Variants in ZNF804B observed in about 807,000 individuals in gnomAD.
The protein encoded by ZNF804B is zinc finger protein 804B.
Under a neutral mutation model 101.4 loss-of-function variants are expected in ZNF804B, and 80 were observed. The ratio of observed to expected loss-of-function variants is 0.79; its 90% CI spans 0.66 to 0.95. ZNF804B has a LOEUF of 0.95. Among genes scored for constraint, ZNF804B ranks in the 40% least tolerant of loss-of-function variants. ZNF804B has a pLI of 0.00. For missense variants in ZNF804B, 1,673 were observed against 1,561.9 expected, an observed-to-expected ratio of 1.07 and a Z score of -1.20; for synonymous variants, 622 against 558.8, an observed-to-expected ratio of 1.11 and a Z score of -1.59.
intron 2 of ZNF804B, among the ~76,000 whole-genome samples, chr7:89,249,041 A>G (rs1789496566): frequency 6.6e-6 from 1 of 151,970 alleles, no homozygotes; most frequent in Admixed American, 6.6e-5. Flanking sequence ...AAAAAAAAAA[A>G]AAAAGGACAA....
At chr7:89,223,691 A>G (rs530604689) in intron 2 of ZNF804B, among the ~76,000 whole-genome samples, 1 of 151,750 alleles carries the variant, frequency 6.6e-6, no homozygotes, top group Non-Finnish European at 1.5e-5. Flanking sequence ...TCCAAAAAAA[A>G]AATTAAGATA....
At chr7:89,184,324 T>C (rs188839985) in intron 1 of ZNF804B, among the ~76,000 whole-genome samples, 2 of 152,312 alleles carry the variant, frequency 1.3e-5, no homozygotes, top group Admixed American at 1.3e-4. Flanking sequence ...CAGCAGCTTA[T>C]GGAATCCAGG....
At chr7:89,217,943 T>C (rs1298245565) in intron 1 of ZNF804B, among the ~76,000 whole-genome samples, 4 of 151,996 alleles carry the variant, frequency 2.6e-5, no homozygotes, top group Non-Finnish European at 5.9e-5. Flanking sequence ...AAAACCAAGC[T>C]CCAGACCAGG....
At chr7:89,079,026 CTCTT>C in intron 1 of ZNF804B, among the ~76,000 whole-genome samples, 1 of 151,888 alleles carries the variant, frequency 6.6e-6, no homozygotes, top group East Asian at 1.9e-4. Flanking sequence ...AAATCCATAA[CTCTT>C]TCAGCTTTGA....
intron 1 of ZNF804B, among the ~76,000 whole-genome samples, chr7:89,042,577 G>A (rs1266306785): frequency 6.6e-6 from 1 of 152,028 alleles, no homozygotes; most frequent in Non-Finnish European, 1.5e-5. Context: ...ATATAGTTAA[G>A]TTATAACCTT....
chr7:89,335,415 CA>C lies in ZNF804B; in HGVS notation c.2438del (p.Asn813IlefsTer8). 6.2e-7 allele frequency: 1 copy of C among 1,613,618 alleles called. No individual in the cohort carries two copies. The highest frequency in any genetic ancestry group is 8.5e-7 in the Non-Finnish European group (1 of 1,179,862). On this transcript the variant is annotated frameshift_variant, in exon 4 of 4. Transcript: ENST00000333190. LOFTEE classifies it high-confidence loss of function. ...ACTGCAGAGAAAGACAAAAACTGGGCAAAAATCAACAACAATTTTCAGGGCT... is the reference window on the plus strand; with the variant it reads ...ACTGCAGAGAAAGACAAAAACTGGGCAAAATCAACAACAATTTTCAGGGCT... ...CHCRERQKLG[K>X]NQQQFSGLKS... is the part of the protein sequence containing the mutation.
chr7:89,304,845 T>A (rs1048666699), intron 2 of ZNF804B, among the ~76,000 whole-genome samples: 5 of 151,934 alleles, frequency 3.3e-5, no homozygotes, highest in African/African-American at 1.2e-4. Flanking sequence ...ACGGTCTTAA[T>A]CTTACCTGGG....
chr7:89,210,403 C>T (rs1277081191), intron 1 of ZNF804B, among the ~76,000 whole-genome samples: 2 of 152,030 alleles, frequency 1.3e-5, no homozygotes, highest in African/African-American at 2.4e-5. Context: ...CATAGGTAAA[C>T]GTGTGCCATG....
intron 1 of ZNF804B, among the ~76,000 whole-genome samples, chr7:89,110,786 AT>A (rs1790204293): frequency 6.6e-6 from 1 of 152,182 alleles, no homozygotes; most frequent in Admixed American, 6.6e-5. Context: ...AGAAACAAAA[AT>A]GCACAATATA....
At chr7:89,035,302 G>A (rs1216571956) in intron 1 of ZNF804B, among the ~76,000 whole-genome samples, 1 of 151,958 alleles carries the variant, frequency 6.6e-6, no homozygotes, top group Non-Finnish European at 1.5e-5. Context: ...AACTCTTTTG[G>A]TAGCTTCTAT....
chr7:89,158,619 A>C (rs779222818), intron 1 of ZNF804B, among the ~76,000 whole-genome samples: 2 of 152,126 alleles, frequency 1.3e-5, no homozygotes, highest in Non-Finnish European at 1.5e-5. Flanking sequence ...TCTTGCTTAA[A>C]TACCTAGTTT....
intron 1 of ZNF804B, among the ~76,000 whole-genome samples, chr7:88,918,236 G>A (rs1187451129): frequency 6.6e-6 from 1 of 152,052 alleles, no homozygotes; most frequent in East Asian, 1.9e-4. Context: ...TTTCAAATAA[G>A]TATAATCCGT....
rs1001718215 is a variant in ZNF804B, at chr7:89,109,454, A to G, written c.109-108701A>G. Among the ~76,000 whole-genome samples, 5 of 152,278 alleles carry G rather than the reference A, an allele frequency of 3.3e-5. No individual in the cohort carries two copies. The East Asian group carries it at 7.7e-4, about 24-fold the overall frequency. On this transcript the variant is annotated intron_variant, in intron 1 of 3. Transcript: ENST00000333190. ...CTGCCAAGGTTTCTGCAAGCTGTCA[A>G]TTGTCCCAATGCTGGCTGTTGATCT... is the stretch of plus-strand genomic sequence containing the variant.
intron 1 of ZNF804B, among the ~76,000 whole-genome samples, chr7:89,100,804 A>G (rs1256783539): frequency 6.6e-6 from 1 of 152,098 alleles, no homozygotes; most frequent in Non-Finnish European, 1.5e-5. Flanking sequence ...GGAATATTCC[A>G]TTGTATGCCT....
intron 1 of ZNF804B, among the ~76,000 whole-genome samples, chr7:88,911,118 A>G (rs2115974913): frequency 6.6e-6 from 1 of 152,184 alleles, no homozygotes; most frequent in East Asian, 1.9e-4. Flanking sequence ...ACAGTGAAAC[A>G]ATGTTAGGAT....
chr7:89,136,733 G>A (rs1056643593), intron 1 of ZNF804B, among the ~76,000 whole-genome samples: 12 of 105,482 alleles, frequency 1.1e-4, no homozygotes, highest in African/African-American at 5.3e-4. Context: ...TTGTGTGTGT[G>A]TGAGTGTGTG....
chr7:89,265,308 G>GCA (rs1789776396), intron 2 of ZNF804B, among the ~76,000 whole-genome samples: 2 of 143,668 alleles, frequency 1.4e-5, no homozygotes, highest in African/African-American at 5.2e-5. Flanking sequence ...GTGCGCGCGC[G>GCA]CACACATGCA....
chr7:88,853,244 C>A (rs1439252427), intron 1 of ZNF804B, among the ~76,000 whole-genome samples: 2 of 152,098 alleles, frequency 1.3e-5, no homozygotes, highest in African/African-American at 4.8e-5. Flanking sequence ...CTGGGACAAG[C>A]TTAAGTAGTG....
At chr7:89,104,692 C>CT (rs1790109648) in intron 1 of ZNF804B, among the ~76,000 whole-genome samples, 1 of 151,802 alleles carries the variant, frequency 6.6e-6, no homozygotes, top group African/African-American at 2.4e-5. Context: ...TTTAAATAAC[C>CT]TTTAAATTTT....
Sources: allele counts gnomAD v4.1 joint callset (sites outside exome capture counted in the v4.1 genomes callset), GRCh38; gene constraint gnomAD v4.1.1; transcripts MANE v1.5; gene names NCBI Gene and HGNC (gene_info 2026-07-23, HGNC 2026-07-21).